NRDC: variants seen among roughly 807,000 people sequenced by gnomAD.
NRDC encodes the protein nardilysin convertase, also known as nardilysin.
Under a neutral mutation model 147.1 loss-of-function variants are expected in NRDC, and 54 were observed. That is an observed-to-expected ratio of 0.37 (90% CI 0.29 to 0.46). The LOEUF (loss-of-function observed/expected upper bound fraction) is 0.46. NRDC is among the 20% of genes least tolerant of loss of function. The probability of loss-of-function intolerance (pLI) is 1.00; values close to 1 mark genes in which losing one functional copy is unlikely to be tolerated. For missense variants in NRDC, 1,082 were observed against 1,370.6 expected (o/e 0.79, Z 3.33); for synonymous variants, 440 against 482.1 (o/e 0.91, Z 1.14).
intron 1 of NRDC, among the ~76,000 whole-genome samples, chr1:51,865,162 A>G (rs999870384): frequency 1.3e-5 from 2 of 152,114 alleles, no homozygotes; most frequent in Admixed American, 6.5e-5. Flanking sequence ...ATGAATTTTT[A>G]CAAGTCAAAT....
intron 26 of NRDC, 97 bp downstream of exon 26, chr1:51,791,949 G>T: frequency 1.6e-6 from 2 of 1,239,516 alleles, no homozygotes; most frequent in Non-Finnish European, 2.4e-6. Context: ...ATGGAAGGAA[G>T]CTCTAACAGG....
intron 1 of NRDC, among the ~76,000 whole-genome samples, chr1:51,874,703 T>C (rs1460737250): frequency 1.3e-5 from 2 of 152,108 alleles, no homozygotes; most frequent in Non-Finnish European, 2.9e-5. Flanking sequence ...AATTTGAATA[T>C]CAATTCCCAA....
intron 1 of NRDC, among the ~76,000 whole-genome samples, chr1:51,852,954 T>C (rs1378540115): frequency 1.3e-5 from 2 of 152,074 alleles, no homozygotes; most frequent in African/African-American, 4.8e-5. Context: ...CCAGGCACGG[T>C]GGCTCATGCC....
chr1:51,789,817 T>C (rs1678501268), intron 29 of NRDC, 160 bp from the exon 30 acceptor site: 1 of 608,848 alleles, frequency 1.6e-6, no homozygotes, highest in African/African-American at 1.9e-5. Flanking sequence ...AAAACGATGA[T>C]GAAGCTCTCT....
chr1:51,878,098 C>T, intron 1 of NRDC, 177 bp downstream of exon 1: 1 of 1,422,714 alleles, frequency 7.0e-7, no homozygotes, highest in Non-Finnish European at 9.2e-7. Flanking sequence ...CCCACTTGCC[C>T]AGCTGACACC....
intron 1 of NRDC, among the ~76,000 whole-genome samples, chr1:51,863,549 T>G (rs1051708852): frequency 3.9e-5 from 6 of 152,212 alleles, no homozygotes; most frequent in African/African-American, 7.2e-5. Flanking sequence ...CGTCATATAC[T>G]TCCTGTGCTA....
At chr1:51,833,354 G>T (rs1445851301) in intron 4 of NRDC, among the ~76,000 whole-genome samples, 1 of 151,222 alleles carries the variant, frequency 6.6e-6, no homozygotes, top group African/African-American at 2.4e-5. Flanking sequence ...GGAGGCTGAG[G>T]TTGCACTGAG....
At chr1:51,828,191 A>C (rs1004521373) in intron 4 of NRDC, among the ~76,000 whole-genome samples, 16 of 152,246 alleles carry the variant, frequency 1.1e-4, no homozygotes, top group African/African-American at 3.4e-4. Context: ...CCTTACCTCA[A>C]GAAATATCCT....
At chr1:51,873,983 G>T (rs1280123476) in intron 1 of NRDC, among the ~76,000 whole-genome samples, 1 of 151,362 alleles carries the variant, frequency 6.6e-6, no homozygotes, top group Non-Finnish European at 1.5e-5. Context: ...GAGGTCAGGA[G>T]TTCGAGACCA....
Position 51,794,569 on chromosome 1 carries a change from T to A in NRDC, c.2678A>T (p.Gln893Leu), listed in dbSNP as rs748940876. Residue 893 changes from glutamine (Q) to leucine (L), a missense_variant, in exon 24 of 31, where the codon CAG (glutamine) becomes CTG (leucine). Gln to Leu is a moderately radical substitution (Grantham distance 113). Around this residue, in one of 3 missense-constraint regions of NRDC, gnomAD observed 635 missense variants for 923.8 expected, o/e 0.69. Transcript: ENST00000352171. The stretch of plus-strand genomic sequence containing the variant: ...ACTGGGCAGCTCTACCACCTGGAAC[T>A]GCACAGGCATCTCCTGCTCCAGAGG... ...FKPLEQEMPVQFQVVELPSGH... is the reference protein window; with the variant it reads ...FKPLEQEMPVLFQVVELPSGH... 3.1e-6 allele frequency: 5 copies of A among 1,614,104 alleles called. No individual in the cohort carries two copies. The African/African-American group carries it at 6.7e-5, about 22-fold the overall frequency.
chr1:51,789,811 C>CGAT, intron 29 of NRDC, 154 bp from the exon 30 acceptor site: 1 of 613,084 alleles, frequency 1.6e-6, no homozygotes, highest in Non-Finnish European at 2.9e-6. Flanking sequence ...CAGACCAAAA[C>CGAT]GATGATGAAG....
intron 1 of NRDC, among the ~76,000 whole-genome samples, chr1:51,846,630 A>G (rs776389615): frequency 7.9e-5 from 12 of 152,172 alleles, no homozygotes; most frequent in Non-Finnish European, 1.8e-4. Flanking sequence ...TCAGGAGTGA[A>G]GCTGCAGACC....
At chr1:51,858,052 A>C in intron 1 of NRDC, among the ~76,000 whole-genome samples, 1 of 152,222 alleles carries the variant, frequency 6.6e-6, no homozygotes, top group East Asian at 1.9e-4. Context: ...TAAAATTACA[A>C]TGGACCGTTC....
chr1:51,805,387 T>C (rs1035719034), intron 19 of NRDC, 123 bp downstream of exon 19: 1 of 699,864 alleles, frequency 1.4e-6, no homozygotes, highest in South Asian at 2.2e-5. Context: ...CAGAAAAAAA[T>C]ACATAAATCA....
intron 1 of NRDC, among the ~76,000 whole-genome samples, chr1:51,868,520 G>A (rs1184620308): frequency 6.6e-6 from 1 of 152,186 alleles, no homozygotes; most frequent in Non-Finnish European, 1.5e-5. Flanking sequence ...TCTAATTACT[G>A]CTTAGTACCT....
At chr1:51,814,513 G>C (rs576102639) in intron 13 of NRDC, 38 bp downstream of exon 13, 1 of 1,598,490 alleles carries the variant, frequency 6.3e-7, no homozygotes, top group Admixed American at 1.7e-5. Context: ...AATATACCAG[G>C]ACTGGCTCCT....
chr1:51,792,942 A>G (rs1678722791), intron 24 of NRDC, among the ~76,000 whole-genome samples: 1 of 152,222 alleles, frequency 6.6e-6, no homozygotes, highest in African/African-American at 2.4e-5. Context: ...GACTGGCAAA[A>G]TAATGCATTC....
At chr1:51,832,122 C>T (rs1034845959) in intron 4 of NRDC, among the ~76,000 whole-genome samples, 2 of 152,088 alleles carry the variant, frequency 1.3e-5, no homozygotes, top group Non-Finnish European at 1.5e-5. Context: ...TCTCAGCTCA[C>T]TGCAACCTCC....
intron 1 of NRDC, among the ~76,000 whole-genome samples, chr1:51,847,731 T>G (rs1214094088): frequency 2.6e-5 from 4 of 151,966 alleles, no homozygotes; most frequent in African/African-American, 9.7e-5. Context: ...GCAACCCCGG[T>G]TCCCGCCCGT....
Sources: gnomAD v4.1 joint callset for allele counts (sites outside exome capture counted in the v4.1 genomes callset) on GRCh38, gnomAD v4.1.1 for gene constraint, gnomAD v4.1.1 regional missense constraint, MANE v1.5 for transcripts, NCBI Gene and HGNC (gene_info 2026-07-23, HGNC 2026-07-21) for gene names.